The following C14orf93 variants were observed in gnomAD, a reference collection of about 807,000 sequenced individuals.
The protein encoded by C14orf93 is uncharacterized protein C14orf93.
Under a neutral mutation model 44.0 loss-of-function variants are expected in C14orf93, and 23 were observed. That is an observed-to-expected ratio of 0.52 (90% CI 0.38 to 0.74). The LOEUF is 0.74. C14orf93 is among the 30% of genes least tolerant of loss of function. The pLI is 0.00. For missense variants in C14orf93, 579 were observed against 678.9 expected (o/e 0.85, Z 1.64); for synonymous variants, 253 against 265.7 (o/e 0.95, Z 0.46).
intron 1 of C14orf93, among the ~76,000 whole-genome samples, 192 bp from the exon 2 acceptor site, chr14:22,999,594 G>A (rs1320057468): frequency 2.0e-5 from 3 of 152,256 alleles, no homozygotes; most frequent in African/African-American, 7.2e-5. Context: ...CCAGAGAAGA[G>A]ACATGTGGAG....
intron 3 of C14orf93, among the ~76,000 whole-genome samples, chr14:22,993,025 G>A (rs137874239): frequency 9.9e-5 from 15 of 151,120 alleles, no homozygotes; most frequent in South Asian, 6.3e-4. Flanking sequence ...GATTACAGGC[G>A]CACGCCACCA....
intron 3 of C14orf93, among the ~76,000 whole-genome samples, chr14:22,995,138 T>A (rs1291682250): frequency 6.6e-6 from 1 of 152,178 alleles, no homozygotes; most frequent in East Asian, 1.9e-4. Context: ...TTCAGGCCAG[T>A]CCCTTCCTGG....
In C14orf93 at chr14:22,987,963, C is replaced by A; in HGVS notation, c.1137G>T (p.Leu379=). The A allele has an allele frequency of 6.2e-7, 1 of 1,613,928 alleles. No individual in the cohort carries two copies. ...LTKRREYRNS[L]NPFKGLKEKE... ...TTTCCTTCAGGCCTTTAAAGGGGTT[C>A]AGGGAGTTGCGGTACTCACGCCTCT... Residue 379 remains leucine (L), a synonymous_variant, in exon 6 of 7, where the codon CTG becomes CTT. Transcript: ENST00000299088. This position sits in a 1 kb window ranked among gnomAD's most constrained non-coding sequence, Gnocchi z 5.6.
At chr14:22,997,197 G>GGAACCCTT (rs2139610963) in intron 2 of C14orf93, among the ~76,000 whole-genome samples, 1 of 152,282 alleles carries the variant, frequency 6.6e-6, no homozygotes, top group Admixed American at 6.5e-5. Flanking sequence ...CTGGAACCAC[G>GGAACCCTT]GAGAGTCCTG....
chr14:22,999,478 T>A lies in C14orf93; in HGVS notation c.-379-76A>T, dbSNP rs1446972050. 9 of 161,490 alleles carry A rather than the reference T, an allele frequency of 5.6e-5. No individual in the cohort carries two copies. In the East Asian group the frequency reaches 1.6e-3, roughly 29 times the overall value. The allele number at this position is 161,490 out of a possible 1,614,324, so 10.0% of individuals were successfully genotyped here. On this transcript the variant is annotated intron_variant, in intron 1 of 6. Coordinates refer to ENST00000299088, the MANE Select transcript of C14orf93 (RefSeq NM_021944.4). ...CTCCTCACCATCTTTACTGTAATAATGGTACTGCATTTCATTGCTTTGACA... is the reference window on the plus strand; with the variant it reads ...CTCCTCACCATCTTTACTGTAATAAAGGTACTGCATTTCATTGCTTTGACA...
intron 1 of C14orf93, chr14:23,005,062 T>C (rs1298614564): frequency 3.3e-5 from 5 of 152,134 alleles, no homozygotes; most frequent in African/African-American, 7.2e-5. Context: ...AAAGAGTTCT[T>C]ACAGAAGAAA....
At chr14:23,002,123 T>C (rs1253557592) in intron 1 of C14orf93, among the ~76,000 whole-genome samples, 1 of 129,900 alleles carries the variant, frequency 7.7e-6, no homozygotes, top group Non-Finnish European at 1.6e-5. Context: ...CACTCCAGCC[T>C]GGGCGACAGA....
In C14orf93 at chr14:22,998,498, C is replaced by T. The variant is rs1245430555; in HGVS notation, c.526G>A (p.Ala176Thr). ...GGGAGCCGCATGTCCCTCTGAGTTGCTGGGAAGCCCAAAGGCCCAGGCCCC... is the reference window on the plus strand; with the variant it reads ...GGGAGCCGCATGTCCCTCTGAGTTGTTGGGAAGCCCAAAGGCCCAGGCCCC... ...SVGPGPLGFP[A>T]TQRDMRLPGC... Residue 176 changes from alanine (A) to threonine (T), a missense_variant, in exon 2 of 7, where the codon GCA becomes ACA. Ala to Thr is a moderately conservative substitution (Grantham distance 58). Transcript: ENST00000299088. 8 of 1,613,262 alleles carry T rather than the reference C, an allele frequency of 5.0e-6. No homozygotes were observed. The Admixed American group carries it at 1.2e-4, about 24-fold the overall frequency.
rs1033264818 is a variant in C14orf93, at chr14:22,987,596, T to C, written c.1236A>G (p.Gly412=). The change falls in exon 7 of 7, where the codon GGA becomes GGG. Residue 412 remains glycine, a synonymous_variant. Coordinates refer to ENST00000299088, the MANE Select transcript of C14orf93 (RefSeq NM_021944.4). This position sits in a 1 kb window ranked among gnomAD's most constrained non-coding sequence, Gnocchi z 5.6. ...ANRSSIMRHF[G]PEDQRLWNDV... is the part of the protein sequence containing the mutation. ...CATTCCACAGACGTTGGTCCTCAGG[T>C]CCAAAATGCCTCATGATACTGGATC... The C allele has an allele frequency of 2.5e-6, 4 of 1,610,298 alleles. No homozygotes were observed. Among genetic ancestry groups the C allele is most frequent in the South Asian group, 2.2e-5 (2 of 90,534 alleles).
At chr14:22,988,099 G>A in intron 5 of C14orf93, 84 bp from the exon 6 acceptor site, 1 of 858,116 alleles carries the variant, frequency 1.2e-6, no homozygotes, top group Non-Finnish European at 1.9e-6. Flanking sequence ...TAACACTATT[G>A]AATGGGAGGT....
chr14:22,996,276 C>T lies in C14orf93; in HGVS notation c.598-8G>A, dbSNP rs780917081. ...CACGTAATCATCCACCAGCTAAGAA[C>T]ATAAAAAATAATAGCCTATTAGCCA... On this transcript the variant is annotated splice_region_variant and splice_polypyrimidine_tract_variant and intron_variant, in intron 2 of 6. Coordinates refer to ENST00000299088, the MANE Select transcript of C14orf93 (RefSeq NM_021944.4). The surrounding 1 kb of genome is among the most constrained non-coding windows in gnomAD (Gnocchi z 4.1). 1 of 1,530,132 alleles carries T rather than the reference C, an allele frequency of 6.5e-7. No homozygotes were observed. Among genetic ancestry groups the T allele is most frequent in the African/African-American group, 1.4e-5 (1 of 72,376 alleles). The allele number at this position is 1,530,132 out of a possible 1,614,324, so 94.8% of individuals were successfully genotyped here.
rs1260003299 is a variant in C14orf93 at position 22,986,712 on chromosome 14, G to C, written c.*503C>G. ...ATAGTGATAGAACTTGTGTTCCCTT[G>C]GTCAGAAGACTCAAGCTCATGACTG... On this transcript the variant is annotated 3_prime_UTR_variant, in exon 7 of 7. Transcript: ENST00000299088. The C allele has an allele frequency of 6.2e-6, 1 of 160,248 alleles. No homozygotes were observed. Among genetic ancestry groups the C allele is most frequent in the African/African-American group, 2.4e-5 (1 of 41,510 alleles). 9.9% of individuals were successfully genotyped at this position (160,248 alleles called of 1,614,324 possible). A position where few individuals can be genotyped will look rare whatever the true frequency, so the allele number is the denominator to read the frequency against.
At position 22,987,566 on chromosome 14, in the gene C14orf93, C is replaced by T; in HGVS notation, c.1266G>A (p.Val422=). 1 of 1,613,832 alleles carries T rather than the reference C, an allele frequency of 6.2e-7. No homozygotes were observed. The highest frequency in any genetic ancestry group is 1.1e-5 in the South Asian group (1 of 91,016). The change falls in exon 7 of 7, where the codon GTG becomes GTA. Residue 422 remains valine (V), a synonymous_variant. Coordinates refer to ENST00000299088, the MANE Select transcript of C14orf93 (RefSeq NM_021944.4). The surrounding 1 kb of genome is among the most constrained non-coding windows in gnomAD (Gnocchi z 5.6). ...CTTCATCTGACATCAGTTCCTCTGTCACATCATTCCACAGACGTTGGTCCT... is the reference window on the plus strand; with the variant it reads ...CTTCATCTGACATCAGTTCCTCTGTTACATCATTCCACAGACGTTGGTCCT... ...GPEDQRLWND[V]TEELMSDEED...
chr14:22,995,102 G>A (rs535061255), intron 3 of C14orf93, among the ~76,000 whole-genome samples: 7 of 152,326 alleles, frequency 4.6e-5, no homozygotes, highest in African/African-American at 9.6e-5. Context: ...TCCCAGCCAC[G>A]CCAAGAAGTG....
intron 1 of C14orf93, chr14:23,000,975 A>G (rs1160256353): frequency 6.6e-6 from 1 of 152,220 alleles, no homozygotes; most frequent in Non-Finnish European, 1.5e-5. Context: ...CAAAAGCTTA[A>G]CTCAAATACA....
intron 1 of C14orf93, among the ~76,000 whole-genome samples, chr14:23,008,154 CAAA>C (rs55936083): frequency 5.3e-4 from 45 of 85,078 alleles, no homozygotes; most frequent in Middle Eastern, 7.0e-3. Flanking sequence ...AACTCCGTTT[CAAA>C]AAAAAAAAAA....
At chr14:23,006,905 C>G (rs1393380635) in intron 1 of C14orf93, 3 of 152,546 alleles carry the variant, frequency 2.0e-5, no homozygotes, top group African/African-American at 4.8e-5. Context: ...GCAGAGCGGC[C>G]GGAGGAGCGG....
chr14:22,992,070 C>T (rs757132913), intron 3 of C14orf93, among the ~76,000 whole-genome samples: 3 of 152,246 alleles, frequency 2.0e-5, no homozygotes, highest in Admixed American at 6.5e-5. Flanking sequence ...CTCCCTTTCA[C>T]ATCATTAAAC....
intron 1 of C14orf93, among the ~76,000 whole-genome samples, chr14:23,004,059 G>C (rs1425787513): frequency 7.1e-6 from 1 of 141,478 alleles, no homozygotes; most frequent in Non-Finnish European, 1.5e-5. Flanking sequence ...ACAGGCATGT[G>C]CCACCACTCC....
Sources: allele counts gnomAD v4.1 joint callset (sites outside exome capture counted in the v4.1 genomes callset), GRCh38; gene constraint gnomAD v4.1.1; non-coding constraint Gnocchi (gnomAD v3.1); transcripts MANE v1.5; gene names NCBI Gene and HGNC (gene_info 2026-07-23, HGNC 2026-07-21).